Variants in EPHA6 observed in about 807,000 individuals in gnomAD.
EPHA6 encodes the protein EPH receptor A6, also known as ephrin type-A receptor 6.
In EPHA6, 50 loss-of-function variants were observed where a neutral mutation model predicts 112.0. That is an observed-to-expected ratio of 0.45 (90% CI 0.36 to 0.56). EPHA6 has a LOEUF of 0.56. Ranked by LOEUF, EPHA6 falls within the 20% of genes least tolerant of loss-of-function variation. The pLI is 0.00. For synonymous variants in EPHA6, 529 were observed against 490.7 expected (o/e 1.08, Z -1.03); for missense variants, 1,280 against 1,417.4 (o/e 0.90, Z 1.56).
At chr3:96,864,589 A>C (rs1293739056) in intron 1 of EPHA6, among the ~76,000 whole-genome samples, 1 of 152,010 alleles carries the variant, frequency 6.6e-6, no homozygotes, top group African/African-American at 2.4e-5. Context: ...TGGGAGGGTA[A>C]TGGACGTATT....
intron 14 of EPHA6, among the ~76,000 whole-genome samples, chr3:97,673,375 A>C (rs2031043700): frequency 6.6e-6 from 1 of 152,228 alleles, no homozygotes; most frequent in African/African-American, 2.4e-5. Flanking sequence ...GACATAATAC[A>C]GATGAGAAGA....
At chr3:97,135,017 T>C (rs901142627) in intron 3 of EPHA6, among the ~76,000 whole-genome samples, 2 of 152,134 alleles carry the variant, frequency 1.3e-5, no homozygotes, top group Non-Finnish European at 2.9e-5. Context: ...AGAGAAAGCC[T>C]CTCCCTGCGT....
At chr3:96,942,807 T>C (rs770811948) in intron 2 of EPHA6, among the ~76,000 whole-genome samples, 3 of 152,250 alleles carry the variant, frequency 2.0e-5, no homozygotes, top group Non-Finnish European at 4.4e-5. Context: ...AGTATTCATA[T>C]GTTCATTTCC....
intron 3 of EPHA6, among the ~76,000 whole-genome samples, chr3:97,197,131 G>A (rs2077462098): frequency 6.6e-6 from 1 of 152,010 alleles, no homozygotes; most frequent in Non-Finnish European, 1.5e-5. Flanking sequence ...TTTGGAATCA[G>A]GAACCCCAGG....
intron 13 of EPHA6, among the ~76,000 whole-genome samples, chr3:97,626,499 G>A (rs2107521161): frequency 6.6e-6 from 1 of 151,834 alleles, no homozygotes; most frequent in South Asian, 2.1e-4. Flanking sequence ...ACTGAGGATG[G>A]TAGTGAAGGG....
intron 7 of EPHA6, among the ~76,000 whole-genome samples, chr3:97,452,358 A>T (rs2090556338): frequency 6.6e-6 from 1 of 151,856 alleles, no homozygotes; most frequent in Non-Finnish European, 1.5e-5. Flanking sequence ...GGAGGTAGAG[A>T]TATAGACAGA....
At chr3:97,285,486 G>C (rs763987643) in intron 5 of EPHA6, among the ~76,000 whole-genome samples, 3 of 151,960 alleles carry the variant, frequency 2.0e-5, no homozygotes, top group Non-Finnish European at 4.4e-5. Flanking sequence ...TAGTCTTTCT[G>C]TTCCTGGTTT....
chr3:97,243,680 A>C (rs2078910570), intron 4 of EPHA6, among the ~76,000 whole-genome samples: 2 of 151,860 alleles, frequency 1.3e-5, no homozygotes, highest in Non-Finnish European at 2.9e-5. Flanking sequence ...AAAAGGTGTA[A>C]TTACCATATG....
intron 14 of EPHA6, 23 bp from the exon 15 acceptor site, chr3:97,720,220 CAACGATAAGCCAGCTAAG>C (rs749161089): frequency 6.8e-7 from 1 of 1,464,632 alleles, no homozygotes; most frequent in African/African-American, 1.4e-5. Context: ...GTTTTTAATA[CAACGATAAGCCAGCTAAG>C]AAATCTCCAA....
intron 3 of EPHA6, among the ~76,000 whole-genome samples, chr3:97,152,083 A>C (rs1157984696): frequency 6.6e-6 from 1 of 151,986 alleles, no homozygotes; most frequent in African/African-American, 2.4e-5. Context: ...ATGCCTGGGG[A>C]CATAAGTAAC....
At chr3:96,987,124 G>A (rs2043051824) in intron 2 of EPHA6, among the ~76,000 whole-genome samples, 1 of 152,164 alleles carries the variant, frequency 6.6e-6, no homozygotes, top group Non-Finnish European at 1.5e-5. Context: ...TGTGTAGGAA[G>A]GCAAGACAGG....
rs1238530425 is a variant in EPHA6 at position 97,754,567 on chromosome 3, A to G, written c.*5866A>G. ...AAAAGAGAAAACTTTTCAATTACTA[A>G]GGCAGGCAAAGCACTAGGAAATGAA... On this transcript the variant is annotated 3_prime_UTR_variant, in exon 18 of 18. Coordinates refer to ENST00000389672, the MANE Select transcript of EPHA6 (RefSeq NM_001080448.3). 6.6e-6 allele frequency among the ~76,000 whole-genome samples: 1 copy of G among 152,282 alleles called. No homozygotes were observed. The highest frequency in any genetic ancestry group is 2.4e-5 in the African/African-American group (1 of 41,482).
intron 4 of EPHA6, among the ~76,000 whole-genome samples, chr3:97,238,859 C>G (rs1354025112): frequency 6.6e-6 from 1 of 151,586 alleles, no homozygotes; most frequent in Non-Finnish European, 1.5e-5. Context: ...TGGACGGGGG[C>G]CTGGTATGAA....
intron 5 of EPHA6, among the ~76,000 whole-genome samples, chr3:97,341,543 C>T (rs974241103): frequency 4.6e-5 from 7 of 151,802 alleles, no homozygotes; most frequent in South Asian, 2.1e-4. Context: ...TTAGTAGAGA[C>T]GGGGTTTCAC....
At chr3:97,436,251 T>A (rs2089828090) in intron 6 of EPHA6, among the ~76,000 whole-genome samples, 1 of 152,174 alleles carries the variant, frequency 6.6e-6, no homozygotes, top group South Asian at 2.1e-4. Flanking sequence ...TTATAAAGAA[T>A]GTTAAAATCT....
chr3:97,257,182 G>A (rs1003087057), intron 5 of EPHA6, among the ~76,000 whole-genome samples: 1 of 151,696 alleles, frequency 6.6e-6, no homozygotes, highest in African/African-American at 2.4e-5. Flanking sequence ...TGATCAAACA[G>A]ATATGGTAAA....
At chr3:96,862,667 A>G (rs1252296350) in intron 1 of EPHA6, among the ~76,000 whole-genome samples, 1 of 151,922 alleles carries the variant, frequency 6.6e-6, no homozygotes, top group South Asian at 2.1e-4. Context: ...ATGATCTTCT[A>G]TTATATACTA....
chr3:96,866,287 C>T (rs770683119), intron 1 of EPHA6, among the ~76,000 whole-genome samples: 13 of 151,916 alleles, frequency 8.6e-5, no homozygotes, highest in African/African-American at 2.2e-4. Flanking sequence ...CGTTTGGTTT[C>T]GCATCTTATA....
intron 7 of EPHA6, among the ~76,000 whole-genome samples, chr3:97,454,878 G>C (rs1204954461): frequency 6.6e-6 from 1 of 151,884 alleles, no homozygotes; most frequent in Non-Finnish European, 1.5e-5. Flanking sequence ...GACCCTGGTG[G>C]AGTAATAAAG....
Sources: gnomAD v4.1 joint callset for allele counts (sites outside exome capture counted in the v4.1 genomes callset) on GRCh38, gnomAD v4.1.1 for gene constraint, MANE v1.5 for transcripts, NCBI Gene and HGNC (gene_info 2026-07-23, HGNC 2026-07-21) for gene names.